Variants in PGBD2 observed in about 807,000 individuals in gnomAD.
The protein encoded by PGBD2 is piggyBac transposable element-derived protein 2.
Under a neutral mutation model 8.1 loss-of-function variants are expected in PGBD2, and 6 were observed. The observed-to-expected ratio is 0.74, with a 90% CI of 0.40 to 1.46. PGBD2 has a LOEUF of 1.46. Ranked by LOEUF, PGBD2 falls within the 40% of genes most tolerant of loss-of-function variation. PGBD2 has a pLI of 0.02. For missense variants in PGBD2, 802 were observed against 739.0 expected (o/e 1.09, Z -0.99); for synonymous variants, 318 against 272.2 (o/e 1.17, Z -1.66).
the PGBD2 span, among the ~76,000 whole-genome samples, chr1:248,898,725 A>G: frequency 6.6e-6 from 1 of 152,224 alleles, no homozygotes; most frequent in Admixed American, 6.5e-5. Context: ...ACCAGCTAGC[A>G]TCATGATGAC....
At chr1:248,880,279 A>G in the PGBD2 span, among the ~76,000 whole-genome samples, 1 of 152,196 alleles carries the variant, frequency 6.6e-6, no homozygotes, top group East Asian at 1.9e-4. Context: ...CAATTTGGAT[A>G]CCTGTCAGTT....
rs190775774 is a variant in PGBD2 at position 248,907,667 on chromosome 1, C to G, written c.-48+1325C>G. On this transcript the variant is annotated intron_variant, in intron 1 of 2. Transcript: ENST00000329291. Reference sequence around the variant, plus strand: ...GTGATGACTTTTACCAAGCATACTGCTTGTAAACATTTTGTTAACAAGACA... The same window carrying G: ...GTGATGACTTTTACCAAGCATACTGGTTGTAAACATTTTGTTAACAAGACA... Among the ~76,000 whole-genome samples, 35 of 152,300 alleles carry G rather than the reference C, an allele frequency of 2.3e-4. 1 individual carries two copies. Among genetic ancestry groups the G allele is most frequent in the Admixed American group, 5.2e-4 (8 of 15,300 alleles).
At chr1:248,877,618 A>G in the PGBD2 span, among the ~76,000 whole-genome samples, 7 of 152,322 alleles carry the variant, frequency 4.6e-5, no homozygotes, top group African/African-American at 1.4e-4. Flanking sequence ...AAGGGGCAAT[A>G]AATGATTACT....
At position 248,916,702 on chromosome 1, in the gene PGBD2, G is replaced by C; in HGVS notation, c.118G>C (p.Glu40Gln). The C allele has an allele frequency of 1.2e-6, 2 of 1,614,144 alleles. No individual in the cohort carries two copies. Among genetic ancestry groups the C allele is most frequent in the African/African-American group, 1.3e-5 (1 of 75,026 alleles). Reference sequence around the variant, plus strand: ...GGAGGAAGAGTCCAACAACAACAGGGAAGAGATTTTCATTGCACCTCCCGA... The same window carrying C: ...GGAGGAAGAGTCCAACAACAACAGGCAAGAGATTTTCATTGCACCTCCCGA... ...MEEEESNNNR[E>Q]EIFIAPPDNA... Residue 40 changes from glutamate (E) to glutamine (Q), a missense_variant, in exon 3 of 3, where the codon GAA becomes CAA. Glu to Gln is a conservative substitution (Grantham distance 29, BLOSUM62 2). Transcript: ENST00000329291.
chr1:248,928,269 T>C, the PGBD2 span, among the ~76,000 whole-genome samples: 1 of 152,234 alleles, frequency 6.6e-6, no homozygotes, highest in African/African-American at 2.4e-5. Context: ...GCATATTTTC[T>C]TTCTCCAGAC....
rs1317105009 is a variant in PGBD2 at position 248,918,385 on chromosome 1, G to T, written c.*22G>T. 1 of 1,519,668 alleles carries T rather than the reference G, an allele frequency of 6.6e-7. No individual in the cohort carries two copies. Among genetic ancestry groups the T allele is most frequent in the East Asian group, 2.3e-5 (1 of 44,054 alleles). 94.1% of individuals were successfully genotyped at this position (1,519,668 alleles called of 1,614,324 possible). Reference sequence around the variant, plus strand: ...GTGACATCATGAGACATGCTTCTTTGGTTTATAATGAGATGTTTACAGTTA... The same window carrying T: ...GTGACATCATGAGACATGCTTCTTTTGTTTATAATGAGATGTTTACAGTTA... On this transcript the variant is annotated 3_prime_UTR_variant, in exon 3 of 3. Transcript: ENST00000329291.
the PGBD2 span, among the ~76,000 whole-genome samples, chr1:248,873,959 CACATTCGTTTT>C: frequency 6.6e-5 from 10 of 152,184 alleles, no homozygotes; most frequent in Admixed American, 5.9e-4. Flanking sequence ...CCACTTCTGA[CACATTCGTTTT>C]ATTAGCATTT....
intron 1 of PGBD2, among the ~76,000 whole-genome samples, chr1:248,910,905 AGTGT>A (rs2103106709): frequency 6.6e-6 from 1 of 152,218 alleles, no homozygotes; most frequent in East Asian, 1.9e-4. Flanking sequence ...GTATATTCGA[AGTGT>A]GTAATTTGAT....
chr1:248,916,076 C>G (rs1342601517), intron 2 of PGBD2, among the ~76,000 whole-genome samples: 2 of 152,084 alleles, frequency 1.3e-5, no homozygotes, highest in South Asian at 2.1e-4. Flanking sequence ...AGGTAAGACC[C>G]GTTTATTCCG....
At chr1:248,911,625 C>A (rs991171143) in intron 1 of PGBD2, among the ~76,000 whole-genome samples, 9 of 146,898 alleles carry the variant, frequency 6.1e-5, no homozygotes, top group African/African-American at 2.5e-4. Flanking sequence ...TCTCAATGAG[C>A]TGTTGGGCAC....
the PGBD2 span, among the ~76,000 whole-genome samples, chr1:248,875,308 C>CAAAA: frequency 1.5e-3 from 162 of 110,180 alleles, no homozygotes; most frequent in Non-Finnish European, 1.9e-3. Flanking sequence ...AAAAACAAAA[C>CAAAA]AAAAAAAAAA....
At chr1:248,897,941 A>C in the PGBD2 span, among the ~76,000 whole-genome samples, 16 of 152,206 alleles carry the variant, frequency 1.1e-4, no homozygotes, top group African/African-American at 3.9e-4. Flanking sequence ...GATTCCCCAC[A>C]GTGGAGCTCA....
chr1:248,908,684 A>ATT (rs35383461), intron 1 of PGBD2, among the ~76,000 whole-genome samples: 4,297 of 146,148 alleles, frequency 0.029, 149 homozygotes, highest in African/African-American at 0.085. Flanking sequence ...CTCTTCCTGT[A>ATT]TTTTTTTTTT....
chr1:248,875,598 T>C, the PGBD2 span, among the ~76,000 whole-genome samples: 1 of 152,212 alleles, frequency 6.6e-6, no homozygotes, highest in Non-Finnish European at 1.5e-5. Flanking sequence ...AAACCACATT[T>C]AAGTTCTATC....
chr1:248,907,872 C>T (rs185479888), intron 1 of PGBD2, among the ~76,000 whole-genome samples: 163 of 152,300 alleles, frequency 1.1e-3, no homozygotes, highest in Non-Finnish European at 2.0e-3. Context: ...TCTACATAGA[C>T]ACAGTAGCAG....
At chr1:248,882,300 A>G in the PGBD2 span, among the ~76,000 whole-genome samples, 1 of 152,212 alleles carries the variant, frequency 6.6e-6, no homozygotes, top group African/African-American at 2.4e-5. Context: ...AGATGGTCAC[A>G]TGGGGATGAA....
upstream of PGBD2, among the ~76,000 whole-genome samples, chr1:248,904,550 C>T (rs1661587535): frequency 6.6e-6 from 1 of 152,152 alleles, no homozygotes; most frequent in Admixed American, 6.5e-5. Flanking sequence ...CAGCAAGCAC[C>T]TTATTACTCC....
downstream of PGBD2, among the ~76,000 whole-genome samples, chr1:248,924,355 C>T (rs187637631): frequency 2.3e-4 from 35 of 152,234 alleles, no homozygotes; most frequent in South Asian, 1.2e-3. Context: ...GACAGAATAA[C>T]GGGATAAAAG....
the PGBD2 span, among the ~76,000 whole-genome samples, chr1:248,927,792 A>G: frequency 1.8e-4 from 27 of 152,326 alleles, no homozygotes; most frequent in East Asian, 1.5e-3. Context: ...CAAGGTCTTG[A>G]TAGAGAAAGG....
Sources: gnomAD v4.1 joint callset for allele counts (sites outside exome capture counted in the v4.1 genomes callset) on GRCh38, gnomAD v4.1.1 for gene constraint, MANE v1.5 for transcripts, NCBI Gene and HGNC (gene_info 2026-07-23, HGNC 2026-07-21) for gene names.